Variants in IL17RD observed in about 807,000 individuals in gnomAD.
IL17RD encodes the protein interleukin 17 receptor D.
A neutral mutation model predicts 80.5 loss-of-function variants in IL17RD; 52 were observed. That is an observed-to-expected ratio of 0.65 (90% CI 0.52 to 0.81). IL17RD has a LOEUF of 0.81. Ranked by LOEUF, IL17RD falls within the 40% of genes least tolerant of loss-of-function variation. IL17RD has a pLI of 0.00. For missense variants in IL17RD, 1,024 were observed against 955.1 expected (o/e 1.07, Z -0.95); for synonymous variants, 416 against 391.8 (o/e 1.06, Z -0.73).
Position 57,101,123 on chromosome 3 carries a change from A to T in IL17RD, c.1164+56T>A. On this transcript the variant is annotated intron_variant, in intron 11 of 12. Transcript: ENST00000296318. ...GAAGAGAGGAGAAGGCAGCGGGGAG[A>T]GAGTACAGGGCAAGTGTCCTGGCCA... 2.1e-6 allele frequency: 3 copies of T among 1,422,120 alleles called. No individual in the cohort carries two copies. The Admixed American group carries it at 5.7e-5, about 27-fold the overall frequency. The allele number at this position is 1,422,120 out of a possible 1,614,324, so 88.1% of individuals were successfully genotyped here.
Position 57,098,084 on chromosome 3 carries a change from C to T in IL17RD, c.1619G>A (p.Arg540Gln), listed in dbSNP as rs1199706500. ...RRNYFRSKSG[R>Q]SLYVAICNMH... ...GTTGCAAATGGCGACGTATAGGGAC[C>T]GGCCTGACTTGCTCCGGAAGTAGTT... The change falls in exon 12 of 13, where the codon CGG becomes CAG. Residue 540 changes from arginine to glutamine, a missense_variant. Transcript: ENST00000296318. The T allele has an allele frequency of 1.9e-6, 3 of 1,613,976 alleles. No individual in the cohort carries two copies. Among genetic ancestry groups the T allele is most frequent in the Non-Finnish European group, 2.5e-6 (3 of 1,179,896 alleles).
chr3:57,143,935 CA>C (rs1223491318), intron 1 of IL17RD, among the ~76,000 whole-genome samples: 1 of 152,198 alleles, frequency 6.6e-6, no homozygotes, highest in African/African-American at 2.4e-5. Context: ...GGGCAAGAGG[CA>C]TATCAGAACT....
chr3:57,141,876 C>T (rs1194264034), intron 1 of IL17RD, among the ~76,000 whole-genome samples: 1 of 152,172 alleles, frequency 6.6e-6, no homozygotes, highest in Non-Finnish European at 1.5e-5. Flanking sequence ...CCACCGCAGG[C>T]CTTGGGCTCT....
rs921485242 is a variant in IL17RD at position 57,165,344 on chromosome 3, A to T, written c.-58T>A. On this transcript the variant is annotated 5_prime_UTR_variant, in exon 1 of 13. Transcript: ENST00000296318. Reference sequence around the variant, plus strand: ...GCGCCCCGGCCGCCCGCCGCTGGCCAGCCCCGAGTGGGCGGTGGCCGCGGC... The same window carrying T: ...GCGCCCCGGCCGCCCGCCGCTGGCCTGCCCCGAGTGGGCGGTGGCCGCGGC... 8.0e-5 allele frequency: 97 copies of T among 1,216,052 alleles called. No homozygotes were observed. The highest frequency in any genetic ancestry group is 5.4e-4 in the Admixed American group (12 of 22,108). The allele number at this position is 1,216,052 out of a possible 1,614,324, so 75.3% of individuals were successfully genotyped here.
intron 1 of IL17RD, among the ~76,000 whole-genome samples, chr3:57,130,319 T>C (rs958311091): frequency 1.3e-5 from 2 of 152,210 alleles, no homozygotes; most frequent in African/African-American, 4.8e-5. Flanking sequence ...AGGGTGCATC[T>C]TGGCTTTGCC....
Position 57,098,047 on chromosome 3 carries a change from A to G in IL17RD, c.1656T>C (p.Phe552=), listed in dbSNP as rs116882985. Residue 552 remains phenylalanine, a synonymous_variant, in exon 12 of 13, where the codon TTT becomes TTC. Coordinates refer to ENST00000296318, the MANE Select transcript of IL17RD (RefSeq NM_017563.5). The part of the protein sequence containing the change: ...LYVAICNMHQ[F]IDEEPDWFEK... ...CGAACCAGTCGGGCTCCTCGTCAAT[A>G]AACTGGTGCATGTTGCAAATGGCGA... 156 of 1,613,972 alleles carry G rather than the reference A, an allele frequency of 9.7e-5. 2 individuals carry two copies. The East Asian group carries it at 3.1e-3, about 32-fold the overall frequency.
At chr3:57,166,533 A>C (rs577277203), upstream of IL17RD, among the ~76,000 whole-genome samples, 75 of 151,014 alleles carry the variant, frequency 5.0e-4, no homozygotes, top group East Asian at 0.011. Flanking sequence ...ACAAACAAAC[A>C]AACCTACCAC....
At chr3:57,168,359 C>A (rs2060356408), upstream of IL17RD, among the ~76,000 whole-genome samples, 1 of 152,220 alleles carries the variant, frequency 6.6e-6, no homozygotes, top group South Asian at 2.1e-4. Context: ...CAGCTCACTG[C>A]AGAATCTGGC....
intron 2 of IL17RD, among the ~76,000 whole-genome samples, chr3:57,115,297 G>C (rs1198308866): frequency 6.6e-6 from 1 of 152,166 alleles, no homozygotes; most frequent in African/African-American, 2.4e-5. Context: ...TCATAGGGGA[G>C]AGATTCTCAG....
intron 11 of IL17RD, among the ~76,000 whole-genome samples, chr3:57,100,076 A>G (rs1232883830): frequency 6.6e-6 from 1 of 152,212 alleles, no homozygotes; most frequent in Non-Finnish European, 1.5e-5. Flanking sequence ...TCTAGTTCCA[A>G]ATTTTCTACA....
intron 1 of IL17RD, among the ~76,000 whole-genome samples, chr3:57,146,097 A>G (rs1707925318): frequency 6.6e-6 from 1 of 152,188 alleles, no homozygotes; most frequent in Non-Finnish European, 1.5e-5. Flanking sequence ...ATACAAAGGA[A>G]CAAAGGTTTG....
chr3:57,149,709 A>AT (rs1559484898), intron 1 of IL17RD, among the ~76,000 whole-genome samples: 1 of 152,186 alleles, frequency 6.6e-6, no homozygotes, highest in African/African-American at 2.4e-5. Context: ...TGGGAAGAAC[A>AT]TTTTTTGTCA....
At chr3:57,126,656 G>A (rs1707465245) in intron 1 of IL17RD, among the ~76,000 whole-genome samples, 2 of 152,106 alleles carry the variant, frequency 1.3e-5, no homozygotes, top group African/African-American at 4.8e-5. Context: ...TAGCTTAACT[G>A]CCATTTTGGA....
chr3:57,103,272 G>T, intron 8 of IL17RD, 127 bp from the exon 9 acceptor site: 1 of 733,452 alleles, frequency 1.4e-6, no homozygotes. Context: ...GAAGCAAGCA[G>T]TGGAGAATGG....
At chr3:57,107,286 G>T (rs565262765) in intron 5 of IL17RD, among the ~76,000 whole-genome samples, 1 of 152,034 alleles carries the variant, frequency 6.6e-6, no homozygotes, top group Non-Finnish European at 1.5e-5. Context: ...GGCTGAGTCA[G>T]GAGAATGGCG....
intron 1 of IL17RD, 55 bp downstream of exon 1, chr3:57,165,106 G>A (rs2060338161): frequency 1.4e-6 from 2 of 1,458,122 alleles, no homozygotes; most frequent in South Asian, 1.4e-5. Flanking sequence ...GCACCTGTGC[G>A]CGCTGCGTCC....
chr3:57,146,877 G>A (rs1399356438), intron 1 of IL17RD, among the ~76,000 whole-genome samples: 1 of 128,738 alleles, frequency 7.8e-6, no homozygotes, highest in East Asian at 2.0e-4. Context: ...GAGTGCAATG[G>A]CACAATCTTG....
chr3:57,142,520 A>G lies in IL17RD; in HGVS notation c.127-22207T>C, dbSNP rs115403942. 4,207 of 1,286,988 alleles carry G rather than the reference A, an allele frequency of 3.3e-3. 112 individuals carry two copies. The African/African-American group carries it at 0.059, about 18-fold the overall frequency. 79.7% of individuals were successfully genotyped at this position (1,286,988 alleles called of 1,614,324 possible). On this transcript the variant is annotated intron_variant, in intron 1 of 12. Coordinates refer to ENST00000296318, the MANE Select transcript of IL17RD (RefSeq NM_017563.5). ...AGCGCGTGGCATCCCTCCCCCTCCA[A>G]CCGCCCCGTCTGACCTCCCCCACTC... is the stretch of plus-strand genomic sequence containing the variant.
intron 5 of IL17RD, among the ~76,000 whole-genome samples, chr3:57,106,651 A>G (rs1253085796): frequency 6.6e-6 from 1 of 152,242 alleles, no homozygotes; most frequent in Non-Finnish European, 1.5e-5. Flanking sequence ...TTGAAATTAC[A>G]TGCAGGCATA....
Sources: allele counts gnomAD v4.1 joint callset (sites outside exome capture counted in the v4.1 genomes callset), GRCh38; gene constraint gnomAD v4.1.1; transcripts MANE v1.5; gene names NCBI Gene and HGNC (gene_info 2026-07-23, HGNC 2026-07-21).